PDXK: variants seen among roughly 807,000 people sequenced by gnomAD.
The protein encoded by PDXK is epididymis secretory sperm binding protein Li 1a.
In PDXK, 15 loss-of-function variants were observed where a neutral mutation model predicts 43.2. The observed-to-expected ratio is 0.35, with a 90% CI of 0.23 to 0.53. The LOEUF (loss-of-function observed/expected upper bound fraction) is 0.53, where lower values mean the gene tolerates loss of function less well. PDXK is among the 20% of genes least tolerant of loss of function. PDXK has a pLI of 0.92. For missense variants in PDXK, 343 were observed against 417.0 expected (o/e 0.82, Z 1.54); for synonymous variants, 172 against 165.4 (o/e 1.04, Z -0.31).
intron 6 of PDXK, among the ~76,000 whole-genome samples, chr21:43,749,668 G>A (rs2083700377): frequency 6.6e-6 from 1 of 152,064 alleles, no homozygotes; most frequent in African/African-American, 2.4e-5. Flanking sequence ...TGATGGGGAT[G>A]GTTTTGCTGC....
chr21:43,740,810 G>A (rs2083486294), intron 2 of PDXK, among the ~76,000 whole-genome samples: 1 of 151,720 alleles, frequency 6.6e-6, no homozygotes, highest in Non-Finnish European at 1.5e-5. Flanking sequence ...ATCTAAGACA[G>A]GCTCTAATTG....
rs1601848630 is a variant in PDXK at position 43,760,622 on chromosome 21, C to T, written c.*4559C>T. 1.3e-5 allele frequency: 2 copies of T among 152,262 alleles called. No homozygotes were observed. The highest frequency in any genetic ancestry group is 3.8e-4 in the East Asian group (2 of 5,202). The allele number at this position is 152,262 out of a possible 1,614,324, so 9.4% of individuals were successfully genotyped here. On this transcript the variant is annotated 3_prime_UTR_variant, in exon 11 of 11. Transcript: ENST00000291565. Reference sequence around the variant, plus strand: ...CCCGGTAGGATGGACGTGAGCCATCCTTCTAGGGGACTTTTTTCAGTGTGC... The same window carrying T: ...CCCGGTAGGATGGACGTGAGCCATCTTTCTAGGGGACTTTTTTCAGTGTGC...
Position 43,737,360 on chromosome 21 carries a change from C to T in PDXK, c.142+3237C>T. 3.9e-6 allele frequency: 5 copies of T among 1,272,260 alleles called. No individual in the cohort carries two copies. Among genetic ancestry groups the T allele is most frequent in the Non-Finnish European group, 5.0e-6 (5 of 1,004,146 alleles). The allele number at this position is 1,272,260 out of a possible 1,614,324, so 78.8% of individuals were successfully genotyped here. A position where few individuals can be genotyped will look rare whatever the true frequency, so the allele number is the denominator to read the frequency against. On this transcript the variant is annotated intron_variant, in intron 2 of 10. Transcript: ENST00000291565. This position sits in a 1 kb window ranked among gnomAD's most constrained non-coding sequence, Gnocchi z 4.8. ...GCCCCCGTTCCTTGAGGCCGTACCA[C>T]AAGGTGCGTTCATTTTTCCACACCG...
intron 2 of PDXK, chr21:43,741,013 A>G (rs1409243654): frequency 1.3e-5 from 2 of 149,242 alleles, no homozygotes; most frequent in African/African-American, 5.0e-5. Flanking sequence ...TCCGGACAGC[A>G]ATGGGGGAGC....
chr21:43,755,531 C>T (rs1001118756), intron 9 of PDXK, 167 bp from the exon 10 acceptor site: 9 of 655,208 alleles, frequency 1.4e-5, no homozygotes, highest in East Asian at 5.3e-5. Context: ...GTGGGCAGTC[C>T]GCAGCCTGTC....
At position 43,719,908 on chromosome 21, in the gene PDXK, G is replaced by T. The variant is rs368441190; in HGVS notation, c.87+527G>T. 18 of 985,472 alleles carry T rather than the reference G, an allele frequency of 1.8e-5. 1 individual carries two copies. The East Asian group carries it at 9.1e-4, about 50-fold the overall frequency. The allele number at this position is 985,472 out of a possible 1,614,324, so 61.0% of individuals were successfully genotyped here. A position where few individuals can be genotyped will look rare whatever the true frequency, so the allele number is the denominator to read the frequency against. On this transcript the variant is annotated intron_variant, in intron 1 of 10. Transcript: ENST00000291565. ...CGCCGAGTGAGGTCACGGTGCCCACGAGGGTGGATTCCCCTCGGCCTGACC... is the reference window on the plus strand; with the variant it reads ...CGCCGAGTGAGGTCACGGTGCCCACTAGGGTGGATTCCCCTCGGCCTGACC...
chr21:43,740,255 C>T (rs1008681386), intron 2 of PDXK, among the ~76,000 whole-genome samples: 5 of 152,228 alleles, frequency 3.3e-5, no homozygotes, highest in Admixed American at 1.3e-4. Context: ...CAGCGGGAGC[C>T]AGCGACTGGT....
chr21:43,736,885 C>T, intron 2 of PDXK: 1 of 698,394 alleles, frequency 1.4e-6, no homozygotes, highest in South Asian at 1.5e-5. Flanking sequence ...CCTGCCCCCT[C>T]AGCCTCCCAA....
rs555717443 is a variant in PDXK, at chr21:43,758,474, C to T, written c.*2411C>T. The T allele has an allele frequency of 3.3e-5, 5 of 153,526 alleles. No homozygotes were observed. The highest frequency in any genetic ancestry group is 7.3e-5 in the Non-Finnish European group (5 of 68,070). 9.5% of individuals were successfully genotyped at this position (153,526 alleles called of 1,614,324 possible). A position where few individuals can be genotyped will look rare whatever the true frequency, so the allele number is the denominator to read the frequency against. ...ACGGGCAGAGTCCGGCATCCCCTCC[C>T]CAGACTGCCTGCTGTCAAACCACGG... On this transcript the variant is annotated 3_prime_UTR_variant, in exon 11 of 11. Transcript: ENST00000291565.
At position 43,757,503 on chromosome 21, in the gene PDXK, C is replaced by T. The variant is rs1479694058; in HGVS notation, c.*1440C>T. On this transcript the variant is annotated 3_prime_UTR_variant, in exon 11 of 11. Transcript: ENST00000291565. ...ACGGGCCCCTCCTGGAGCCCATACC[C>T]TCCTGTGAGGCCATTCCAGTGTCTT... The T allele has an allele frequency of 6.6e-6, 1 of 152,260 alleles. No individual in the cohort carries two copies. Among genetic ancestry groups the T allele is most frequent in the African/African-American group, 2.4e-5 (1 of 41,472 alleles). The allele number at this position is 152,260 out of a possible 1,614,324, so 9.4% of individuals were successfully genotyped here.
At position 43,755,957 on chromosome 21, in the gene PDXK, C is replaced by A. The variant is rs2083842979; in HGVS notation, c.833C>A (p.Ala278Asp). 1 of 1,607,466 alleles carries A rather than the reference C, an allele frequency of 6.2e-7. No individual in the cohort carries two copies. Among genetic ancestry groups the A allele is most frequent in the Non-Finnish European group, 8.5e-7 (1 of 1,175,378 alleles). Residue 278 changes from alanine (A) to aspartate (D), a missense_variant, in exon 11 of 11, where the codon GCC (alanine) becomes GAC (aspartate). By Grantham distance (126) the Ala-to-Asp change is moderately radical (BLOSUM62 -2). Transcript: ENST00000291565. ...CTCTCTGCCTGCCCCGCAGCCCAGG[C>A]CGGGGAAGGAGTGAGGCCCAGCCCC... ...QRTIQCAKAQ[A>D]GEGVRPSPMQ...
chr21:43,721,518 C>A (rs974262444), intron 1 of PDXK, among the ~76,000 whole-genome samples: 2 of 152,352 alleles, frequency 1.3e-5, no homozygotes, highest in East Asian at 1.9e-4. Flanking sequence ...GGAGAGGCGC[C>A]TTATGGGGAC....
At chr21:43,725,290 T>A (rs1191684253) in intron 1 of PDXK, among the ~76,000 whole-genome samples, 1 of 152,030 alleles carries the variant, frequency 6.6e-6, no homozygotes, top group African/African-American at 2.4e-5. Flanking sequence ...GCCACTGCAC[T>A]CCAGCACGGG....
At chr21:43,729,082 C>T (rs1479872139) in intron 1 of PDXK, 2 of 923,468 alleles carry the variant, frequency 2.2e-6, no homozygotes, top group South Asian at 5.0e-5. Flanking sequence ...CCCGCCCGCC[C>T]GCAATCCTGC....
intron 2 of PDXK, among the ~76,000 whole-genome samples, chr21:43,736,404 G>A (rs1023757327): frequency 3.9e-5 from 6 of 152,210 alleles, no homozygotes; most frequent in African/African-American, 9.6e-5. Context: ...CTGTGTGACC[G>A]GCCACGTGAG....
intron 1 of PDXK, chr21:43,719,669 C>T: frequency 1.0e-6 from 1 of 985,440 alleles, no homozygotes; most frequent in Non-Finnish European, 1.2e-6. Context: ...GCCGCTCGTC[C>T]TCGCCCCTTC....
chr21:43,722,204 C>T (rs1208933417), intron 1 of PDXK, among the ~76,000 whole-genome samples: 1 of 152,102 alleles, frequency 6.6e-6, no homozygotes, highest in Non-Finnish European at 1.5e-5. Flanking sequence ...GGCCATCTGC[C>T]CTTCCACATT....
chr21:43,752,225 G>A (rs1441955020), intron 7 of PDXK, among the ~76,000 whole-genome samples: 4 of 152,228 alleles, frequency 2.6e-5, no homozygotes, highest in Non-Finnish European at 5.9e-5. Flanking sequence ...GCTCCTCCTC[G>A]CTGCAGGACA....
At chr21:43,720,481 T>A (rs963151397) in intron 1 of PDXK, among the ~76,000 whole-genome samples, 3 of 151,922 alleles carry the variant, frequency 2.0e-5, no homozygotes, top group African/African-American at 7.3e-5. Context: ...CTGAGCAGAG[T>A]TGAGCGTGGA....
Sources: gnomAD v4.1 joint callset for allele counts (sites outside exome capture counted in the v4.1 genomes callset) on GRCh38, gnomAD v4.1.1 for gene constraint, Gnocchi (gnomAD v3.1) non-coding constraint, MANE v1.5 for transcripts, NCBI Gene and HGNC (gene_info 2026-07-23, HGNC 2026-07-21) for gene names.